Variants in CCR6 observed in about 807,000 individuals in gnomAD.
The protein encoded by CCR6 is C-C motif chemokine receptor 6.
CCR6 carries 2 observed loss-of-function variants against 3.0 expected under a neutral mutation model. The observed-to-expected ratio is 0.66, with a 90% confidence interval of 0.27 to 2.07. CCR6 has a LOEUF of 2.07. CCR6 is among the 30% of genes most tolerant of loss of function. CCR6 has a pLI of 0.14. For missense variants in CCR6, 322 were observed against 462.8 expected, an observed-to-expected ratio of 0.70 and a Z score of 2.79; for synonymous variants, 193 against 184.3, an observed-to-expected ratio of 1.05 and a Z score of -0.38.
At chr6:167,120,680 A>G (rs1781572183), upstream of CCR6, among the ~76,000 whole-genome samples, 1 of 152,212 alleles carries the variant, frequency 6.6e-6, no homozygotes. Flanking sequence ...GGCTTTTCTT[A>G]GGAATGAACT....
At chr6:167,123,969 A>C (rs1328738825) in intron 1 of CCR6, among the ~76,000 whole-genome samples, 2 of 152,076 alleles carry the variant, frequency 1.3e-5, no homozygotes, top group African/African-American at 4.8e-5. Flanking sequence ...AAAATTAGCC[A>C]GGCATTGTGG....
chr6:167,115,006 A>T (rs568472798), intron 1 of CCR6: 1 of 152,362 alleles, frequency 6.6e-6, no homozygotes, highest in Non-Finnish European at 1.5e-5. Flanking sequence ...GTAAATCAAA[A>T]AATCAGCCTT....
intron 1 of CCR6, 40 bp downstream of exon 1, chr6:167,123,263 T>G (rs1402367056): frequency 2.0e-5 from 3 of 152,806 alleles, no homozygotes; most frequent in African/African-American, 7.2e-5. Flanking sequence ...CTTTCAAAAA[T>G]GTAACTTCTT....
rs1486514265 is a variant in CCR6, at chr6:167,138,531, G to A, written c.*1176G>A. ...TCAGATTTTAACAGCTCTCTTCAAT[G>A]ACATAGAAAGTTCATGGAACTCATG... On this transcript the variant is annotated 3_prime_UTR_variant, in exon 3 of 3. Coordinates refer to ENST00000341935, the MANE Select transcript of CCR6 (RefSeq NM_031409.4). 1.3e-5 allele frequency: 2 copies of A among 152,266 alleles called. No homozygotes were observed. Among genetic ancestry groups the A allele is most frequent in the Non-Finnish European group, 2.9e-5 (2 of 68,016 alleles). 9.4% of individuals were successfully genotyped at this position (152,266 alleles called of 1,614,324 possible). A position where few individuals can be genotyped will look rare whatever the true frequency, so the allele number is the denominator to read the frequency against.
At chr6:167,128,838 T>A (rs1377201399) in intron 1 of CCR6, among the ~76,000 whole-genome samples, 1 of 152,230 alleles carries the variant, frequency 6.6e-6, no homozygotes, top group Non-Finnish European at 1.5e-5. Flanking sequence ...CCTCCCAAAG[T>A]GCTGGGATTA....
At chr6:167,122,019 T>C (rs957649042), upstream of CCR6, among the ~76,000 whole-genome samples, 5 of 151,636 alleles carry the variant, frequency 3.3e-5, no homozygotes, top group African/African-American at 1.2e-4. This position sits in a 1 kb window ranked among gnomAD's most constrained non-coding sequence, Gnocchi z 4.2. Context: ...CCCAGAGAGA[T>C]GATAAGGGGT....
In CCR6 at chr6:167,112,672, G is replaced by A. The variant is rs151061385; in HGVS notation, c.-98+658G>A. On this transcript the variant is annotated intron_variant, in intron 1 of 2. Transcript: ENST00000400926. Reference sequence around the variant, plus strand: ...GGAGGGGCTGGCTTTGTGCAGGGAGGTTGGGATGAACAAGGGCAGCAGGCG... The same window carrying A: ...GGAGGGGCTGGCTTTGTGCAGGGAGATTGGGATGAACAAGGGCAGCAGGCG... Among the ~76,000 whole-genome samples, 4 of 152,290 alleles carry A rather than the reference G, an allele frequency of 2.6e-5. No homozygotes were observed. In the East Asian group the frequency reaches 7.7e-4, roughly 29 times the overall value.
chr6:167,121,628 G>T (rs1314471493), upstream of CCR6: 1 of 152,492 alleles, frequency 6.6e-6, no homozygotes, highest in Non-Finnish European at 1.5e-5. Context: ...GTCTTGCTTT[G>T]TTCGCCATCC....
intron 1 of CCR6, among the ~76,000 whole-genome samples, chr6:167,124,938 A>T (rs1007840758): frequency 1.3e-5 from 2 of 152,088 alleles, no homozygotes; most frequent in Non-Finnish European, 2.9e-5. Context: ...ATATACACCC[A>T]TGCACACACA....
At chr6:167,113,690 T>C (rs929516633) in intron 1 of CCR6, among the ~76,000 whole-genome samples, 3 of 152,230 alleles carry the variant, frequency 2.0e-5, no homozygotes, top group Non-Finnish European at 2.9e-5. Context: ...AAGTTTTAAA[T>C]GTTTAAAATG....
intron 1 of CCR6, among the ~76,000 whole-genome samples, chr6:167,134,629 A>G (rs1200687384): frequency 1.3e-5 from 2 of 151,792 alleles, no homozygotes; most frequent in Admixed American, 1.3e-4. Flanking sequence ...CTCGTAAGTG[A>G]GGACTGATAT....
At chr6:167,115,321 C>T (rs1323125614) in intron 1 of CCR6, 1 of 152,214 alleles carries the variant, frequency 6.6e-6, no homozygotes, top group Non-Finnish European at 1.5e-5. Context: ...GCAGACCTGT[C>T]CTTTCTGGCA....
chr6:167,114,006 A>G (rs1781453035), intron 1 of CCR6, among the ~76,000 whole-genome samples: 1 of 152,264 alleles, frequency 6.6e-6, no homozygotes, highest in African/African-American at 2.4e-5. Flanking sequence ...TTATGAGCAG[A>G]GATCGTTAGG....
chr6:167,136,512 C>A lies in CCR6; in HGVS notation c.282C>A (p.Leu94=), dbSNP rs748371509. The A allele has an allele frequency of 2.5e-6, 4 of 1,590,204 alleles. No individual in the cohort carries two copies. The highest frequency in any genetic ancestry group is 3.4e-6 in the Non-Finnish European group (4 of 1,167,404). ...YLLNMAIADI[L]FVLTLPFWAV... The stretch of plus-strand genomic sequence containing the variant: ...TGAACATGGCCATTGCAGACATCCT[C>A]TTTGTTCTTACTCTCCCATTCTGGG... Residue 94 remains leucine, a synonymous_variant, in exon 3 of 3, where the codon CTC becomes CTA. Coordinates refer to ENST00000341935, the MANE Select transcript of CCR6 (RefSeq NM_031409.4). This position sits in a 1 kb window ranked among gnomAD's most constrained non-coding sequence, Gnocchi z 4.6.
At chr6:167,115,247 C>A (rs369964090) in intron 1 of CCR6, 1 of 152,234 alleles carries the variant, frequency 6.6e-6, no homozygotes, top group Non-Finnish European at 1.5e-5. Context: ...CAGACCCCAG[C>A]GCCCAGCGCC....
At chr6:167,126,342 T>C (rs1197234131) in intron 1 of CCR6, 1 of 152,244 alleles carries the variant, frequency 6.6e-6, no homozygotes, top group Non-Finnish European at 1.5e-5. Flanking sequence ...GTCTAACGTA[T>C]GTCCACAAAG....
intron 1 of CCR6, among the ~76,000 whole-genome samples, chr6:167,117,371 C>G (rs1338882348): frequency 6.6e-6 from 1 of 150,582 alleles, no homozygotes; most frequent in Non-Finnish European, 1.5e-5. Context: ...TAACCTGTCT[C>G]CTGGGTTTGC....
intron 1 of CCR6, among the ~76,000 whole-genome samples, chr6:167,114,748 C>T (rs940059778): frequency 2.6e-5 from 4 of 152,202 alleles, no homozygotes; most frequent in Non-Finnish European, 5.9e-5. Context: ...TCCCGGCAGA[C>T]AGAAATGGAA....
At chr6:167,132,563 C>A (rs185106089) in intron 1 of CCR6, among the ~76,000 whole-genome samples, 1 of 151,888 alleles carries the variant, frequency 6.6e-6, no homozygotes, top group Non-Finnish European at 1.5e-5. Flanking sequence ...GTGTTTTGGA[C>A]GGAGTCTCTC....
Sources: gnomAD v4.1 joint callset for allele counts (sites outside exome capture counted in the v4.1 genomes callset) on GRCh38, gnomAD v4.1.1 for gene constraint, Gnocchi (gnomAD v3.1) non-coding constraint, MANE v1.5 for transcripts, NCBI Gene and HGNC (gene_info 2026-07-23, HGNC 2026-07-21) for gene names.